The following ARL15 variants were observed in gnomAD, a reference collection of about 807,000 sequenced individuals.
ARL15 encodes ADP-ribosylation factor-like protein 15.
ARL15 carries 19 observed loss-of-function variants against 25.2 expected under a neutral mutation model. The observed-to-expected ratio is 0.75, with a 90% CI of 0.53 to 1.10. The LOEUF (loss-of-function observed/expected upper bound fraction) is 1.10. Among genes scored for constraint, ARL15 ranks in the 50% least tolerant of loss-of-function variants. The pLI is 0.00. For missense variants in ARL15, 220 were observed against 246.0 expected, an observed-to-expected ratio of 0.89 and a Z score of 0.71; for synonymous variants, 94 against 86.8, an observed-to-expected ratio of 1.08 and a Z score of -0.46.
chr5:54,172,393 T>A (rs1754746649), intron 1 of ARL15, among the ~76,000 whole-genome samples: 2 of 151,818 alleles, frequency 1.3e-5, no homozygotes, highest in African/African-American at 2.4e-5. Context: ...ATGCAATATA[T>A]CTTGGACTGG....
chr5:54,017,506 C>G (rs979919620), intron 4 of ARL15, among the ~76,000 whole-genome samples: 2 of 151,284 alleles, frequency 1.3e-5, no homozygotes, highest in African/African-American at 4.9e-5. Flanking sequence ...GCATTGTTAC[C>G]AGCTCAGGTT....
intron 1 of ARL15, among the ~76,000 whole-genome samples, chr5:54,173,594 A>G (rs1754783003): frequency 6.6e-6 from 1 of 152,184 alleles, no homozygotes; most frequent in South Asian, 2.1e-4. Flanking sequence ...AAGTAGCTCT[A>G]GGATCTGTCC....
At chr5:53,943,838 G>C (rs1746628068) in intron 4 of ARL15, among the ~76,000 whole-genome samples, 1 of 152,190 alleles carries the variant, frequency 6.6e-6, no homozygotes, top group Non-Finnish European at 1.5e-5. Flanking sequence ...GCGCTCAAAA[G>C]CTTCTATGAA....
chr5:53,973,282 T>C (rs906998828), intron 4 of ARL15, among the ~76,000 whole-genome samples: 13 of 151,910 alleles, frequency 8.6e-5, no homozygotes, highest in African/African-American at 3.1e-4. Context: ...CAAATAAATA[T>C]AAAAAATTAG....
intron 4 of ARL15, among the ~76,000 whole-genome samples, chr5:54,062,397 A>G (rs1388425896): frequency 6.6e-6 from 1 of 151,826 alleles, no homozygotes; most frequent in Non-Finnish European, 1.5e-5. Context: ...CCCAAATCTC[A>G]TGTTGAATTC....
rs189122454 is a variant in ARL15, at chr5:54,107,218, C to A, written c.462+5984G>T. On this transcript the variant is annotated intron_variant, in intron 4 of 4. Transcript: ENST00000504924. Reference sequence around the variant, plus strand: ...ATAGCACAGGAAAGACTGGCCCCCACGATTCAATTGCCTCCTCCTGGCTCC... The same window carrying A: ...ATAGCACAGGAAAGACTGGCCCCCAAGATTCAATTGCCTCCTCCTGGCTCC... 1.4e-3 allele frequency among the ~76,000 whole-genome samples: 216 copies of A among 152,188 alleles called. 1 individual carries two copies. Among genetic ancestry groups the A allele is most frequent in the African/African-American group, 4.9e-3 (205 of 41,538 alleles).
chr5:54,177,843 C>T (rs1754929282), intron 1 of ARL15, among the ~76,000 whole-genome samples: 1 of 152,176 alleles, frequency 6.6e-6, no homozygotes, highest in Non-Finnish European at 1.5e-5. Flanking sequence ...TGGCAAACTC[C>T]TGCTCAAAGT....
At chr5:54,111,658 A>G (rs1484501908) in intron 4 of ARL15, among the ~76,000 whole-genome samples, 2 of 152,124 alleles carry the variant, frequency 1.3e-5, no homozygotes, top group African/African-American at 4.8e-5. Context: ...TGGCACTTAT[A>G]TCTATGTTTT....
At position 53,910,454 on chromosome 5, in the gene ARL15, G is replaced by C. The variant is rs564133385; in HGVS notation, c.463-23741C>G. 1.3e-4 allele frequency among the ~76,000 whole-genome samples: 20 copies of C among 151,792 alleles called. No homozygotes were observed. In the South Asian group the frequency reaches 4.0e-3, roughly 30 times the overall value. On this transcript the variant is annotated intron_variant, in intron 4 of 4. Transcript: ENST00000504924. ...ATTCAAAACTACGCTTACTATAACA[G>C]TGTTGTGAATTACTCATTAGATCAC... is the stretch of plus-strand genomic sequence containing the variant.
intron 1 of ARL15, among the ~76,000 whole-genome samples, chr5:54,216,695 G>A (rs1192430519): frequency 6.6e-6 from 1 of 152,064 alleles, no homozygotes; most frequent in Non-Finnish European, 1.5e-5. Context: ...TCCATGGAGG[G>A]TGAGTAAAAA....
At chr5:53,937,557 G>A (rs1353653316) in intron 4 of ARL15, among the ~76,000 whole-genome samples, 1 of 152,100 alleles carries the variant, frequency 6.6e-6, no homozygotes, top group African/African-American at 2.4e-5. Flanking sequence ...TTTTACTACG[G>A]CTTTTCTATG....
chr5:54,166,442 A>G (rs1754569807), intron 2 of ARL15, among the ~76,000 whole-genome samples: 2 of 152,000 alleles, frequency 1.3e-5, no homozygotes, highest in South Asian at 4.1e-4. Context: ...CTCAAGTGAT[A>G]CTTCCGCCTC....
chr5:53,917,431 A>G (rs191469344), intron 4 of ARL15, among the ~76,000 whole-genome samples: 364 of 152,306 alleles, frequency 2.4e-3, no homozygotes, highest in Non-Finnish European at 4.0e-3. Flanking sequence ...GCTCAAATTG[A>G]GAATGTTCCC....
At chr5:53,963,807 A>T (rs539634821) in intron 4 of ARL15, among the ~76,000 whole-genome samples, 725 of 19,800 alleles carry the variant, frequency 0.037, 6 homozygotes, top group African/African-American at 0.081. Flanking sequence ...AAACTCCATC[A>T]CACACACACA....
At chr5:54,172,007 G>C (rs957574188) in intron 1 of ARL15, 79 bp from the exon 2 acceptor site, 1 of 1,518,670 alleles carries the variant, frequency 6.6e-7, no homozygotes, top group East Asian at 2.3e-5. Context: ...AAATGACTGA[G>C]TAAGTATTAA....
intron 4 of ARL15, among the ~76,000 whole-genome samples, chr5:54,043,644 G>C (rs965613104): frequency 1.3e-5 from 2 of 152,050 alleles, no homozygotes; most frequent in Non-Finnish European, 2.9e-5. Context: ...CCATCATAGG[G>C]AAAGAGAACA....
At chr5:54,023,854 G>A (rs1038576845) in intron 4 of ARL15, among the ~76,000 whole-genome samples, 1 of 152,178 alleles carries the variant, frequency 6.6e-6, no homozygotes, top group East Asian at 1.9e-4. Flanking sequence ...CACCTGAGCA[G>A]GTTTTTGTCA....
intron 1 of ARL15, among the ~76,000 whole-genome samples, chr5:54,212,440 C>T (rs866651807): frequency 2.0e-5 from 3 of 152,182 alleles, no homozygotes; most frequent in African/African-American, 7.2e-5. Context: ...CTCAAGCAGA[C>T]CCCCTCCCCC....
intron 4 of ARL15, among the ~76,000 whole-genome samples, chr5:54,061,157 T>C (rs1400844977): frequency 6.6e-6 from 1 of 152,200 alleles, no homozygotes; most frequent in East Asian, 1.9e-4. Flanking sequence ...GTCCTCCAGC[T>C]GTGTGCAGCC....
Sources: gnomAD v4.1 joint callset for allele counts (sites outside exome capture counted in the v4.1 genomes callset) on GRCh38, gnomAD v4.1.1 for gene constraint, MANE v1.5 for transcripts, NCBI Gene and HGNC (gene_info 2026-07-23, HGNC 2026-07-21) for gene names.